Variants in OLFM1 observed in about 807,000 individuals in gnomAD.
The protein encoded by OLFM1 is noelin.
A neutral mutation model predicts 49.7 loss-of-function variants in OLFM1; 9 were observed. That is an observed-to-expected ratio of 0.18 (90% CI 0.11 to 0.32). The LOEUF is 0.32. Ranked by LOEUF, OLFM1 falls within the 10% of genes least tolerant of loss-of-function variation. The probability of loss-of-function intolerance (pLI) is 1.00; values close to 1 mark genes in which losing one functional copy is unlikely to be tolerated. For missense variants in OLFM1, 369 were observed against 661.8 expected, an observed-to-expected ratio of 0.56 and a Z score of 4.85; for synonymous variants, 240 against 271.8, an observed-to-expected ratio of 0.88 and a Z score of 1.15.
At chr9:135,107,943 C>T (rs560865106) in intron 5 of OLFM1, among the ~76,000 whole-genome samples, 28 of 152,224 alleles carry the variant, frequency 1.8e-4, no homozygotes, top group Admixed American at 3.9e-4. Context: ...ATGGGCGGTA[C>T]GGCCTCTGGC....
chr9:135,097,975 C>G, intron 3 of OLFM1: 1 of 1,427,422 alleles, frequency 7.0e-7, no homozygotes, highest in South Asian at 1.6e-5. Flanking sequence ...AGCTGCATTT[C>G]ATGAATAGTT....
intron 2 of OLFM1, among the ~76,000 whole-genome samples, chr9:135,092,414 A>G (rs1830728927): frequency 6.6e-6 from 1 of 152,220 alleles, no homozygotes; most frequent in African/African-American, 2.4e-5. Context: ...ACCTTGAAGG[A>G]ATAGAATTTG....
chr9:135,092,710 T>A (rs1268953482), intron 2 of OLFM1, among the ~76,000 whole-genome samples: 1 of 152,182 alleles, frequency 6.6e-6, no homozygotes, highest in Non-Finnish European at 1.5e-5. Flanking sequence ...CCCCTGGGAC[T>A]GCAGGCCCTG....
chr9:135,091,817 T>TCA (rs374552679), intron 2 of OLFM1, among the ~76,000 whole-genome samples: 6 of 77,282 alleles, frequency 7.8e-5, no homozygotes, highest in South Asian at 8.4e-4. Context: ...ACTCACATAG[T>TCA]CACACACACT....
intron 5 of OLFM1, 86 bp downstream of exon 5, chr9:135,106,941 C>T (rs1378772527): frequency 7.4e-6 from 8 of 1,079,662 alleles, no homozygotes; most frequent in Non-Finnish European, 1.1e-5. Flanking sequence ...GTACAAGCCA[C>T]GCCCACCCTC....
At chr9:135,076,264 G>C in intron 1 of OLFM1, 1 of 1,550,582 alleles carries the variant, frequency 6.4e-7, no homozygotes, top group Non-Finnish European at 8.7e-7. Flanking sequence ...GCCCTTGGGG[G>C]CTCCAGAAAC....
rs985586832 is a variant in OLFM1, at chr9:135,117,501, C to T, written c.784-2003C>T. Among the ~76,000 whole-genome samples, 4 of 152,232 alleles carry T rather than the reference C, an allele frequency of 2.6e-5. No homozygotes were observed. The highest frequency in any genetic ancestry group is 4.4e-5 in the Non-Finnish European group (3 of 68,038). ...TTGGGATATGGGAGCTGGCCCGCCC[C>T]GGTGACTTTGAGAGTCGATCCTCAC... On this transcript the variant is annotated intron_variant, in intron 5 of 5. Transcript: ENST00000371793. The surrounding 1 kb of genome is among the most constrained non-coding windows in gnomAD (Gnocchi z 5.5).
At position 135,092,637 on chromosome 9, in the gene OLFM1, A is replaced by G. The variant is rs150819571; in HGVS notation, c.300+2293A>G. On this transcript the variant is annotated intron_variant, in intron 2 of 5. Transcript: ENST00000371793. ...GAGGGGAAAACAGAGCCCTGAGCCC[A>G]GGGAGGAGGCATTTGCGGGGAGAGC... Among the ~76,000 whole-genome samples the G allele has an allele frequency of 7.9e-5, 12 of 152,260 alleles. No homozygotes were observed. In the East Asian group the frequency reaches 2.3e-3, roughly 29 times the overall value.
At chr9:135,089,761 C>A (rs1182101194) in intron 1 of OLFM1, among the ~76,000 whole-genome samples, 3 of 152,090 alleles carry the variant, frequency 2.0e-5, no homozygotes, top group Non-Finnish European at 4.4e-5. Context: ...GCCAGCCACC[C>A]GTGCTTGACT....
At chr9:135,102,023 G>A (rs999692285) in intron 4 of OLFM1, among the ~76,000 whole-genome samples, 6 of 152,200 alleles carry the variant, frequency 3.9e-5, no homozygotes, top group African/African-American at 1.2e-4. Context: ...AGGGTCAGTC[G>A]GGTCTTTTTG....
chr9:135,097,076 C>T (rs1249411829), intron 3 of OLFM1, among the ~76,000 whole-genome samples: 2 of 152,160 alleles, frequency 1.3e-5, no homozygotes, highest in South Asian at 2.1e-4. Context: ...TACACAGCCT[C>T]GCCCGACTAG....
At chr9:135,076,468 T>C (rs975957732) in intron 1 of OLFM1, 10 of 1,402,226 alleles carry the variant, frequency 7.1e-6, no homozygotes, top group African/African-American at 1.4e-5. Context: ...CCCTGAACAA[T>C]GTATCAATAG....
upstream of OLFM1, among the ~76,000 whole-genome samples, chr9:135,086,391 G>T (rs981611904): frequency 3.3e-5 from 5 of 152,262 alleles, no homozygotes; most frequent in Non-Finnish European, 7.3e-5. Context: ...GGCTGCAGCT[G>T]AAGTCTCTTC....
At chr9:135,079,645 G>T (rs149200908) in intron 1 of OLFM1, among the ~76,000 whole-genome samples, 31 of 152,266 alleles carry the variant, frequency 2.0e-4, no homozygotes, top group African/African-American at 6.7e-4. Context: ...GCTGCAGACA[G>T]AGGCTGCAGC....
At chr9:135,110,653 C>T (rs1199019747) in intron 5 of OLFM1, among the ~76,000 whole-genome samples, 1 of 152,190 alleles carries the variant, frequency 6.6e-6, no homozygotes, top group East Asian at 1.9e-4. Context: ...CCAGTCACTT[C>T]TCAGTGTGAG....
chr9:135,099,585 T>C (rs1186605581), intron 4 of OLFM1, among the ~76,000 whole-genome samples: 2 of 152,164 alleles, frequency 1.3e-5, no homozygotes, highest in Non-Finnish European at 2.9e-5. Flanking sequence ...ATTTAGGTGA[T>C]TTTTAAACGC....
intron 5 of OLFM1, among the ~76,000 whole-genome samples, chr9:135,111,501 T>C (rs904881310): frequency 2.0e-5 from 3 of 152,076 alleles, no homozygotes; most frequent in African/African-American, 4.8e-5. Flanking sequence ...GACCCCCTGC[T>C]TTTCCTAGAT....
upstream of OLFM1, among the ~76,000 whole-genome samples, chr9:135,083,783 G>T (rs1050427725): frequency 6.6e-6 from 1 of 152,244 alleles, no homozygotes; most frequent in Non-Finnish European, 1.5e-5. Context: ...GCCCTCTCTG[G>T]ATCTGTTTTC....
At chr9:135,111,476 C>A (rs952800425) in intron 5 of OLFM1, among the ~76,000 whole-genome samples, 1 of 152,116 alleles carries the variant, frequency 6.6e-6, no homozygotes. Flanking sequence ...CCCCAGGAGG[C>A]CTGAGTCCAG....
Sources: gnomAD v4.1 joint callset for allele counts (sites outside exome capture counted in the v4.1 genomes callset) on GRCh38, gnomAD v4.1.1 for gene constraint, Gnocchi (gnomAD v3.1) non-coding constraint, MANE v1.5 for transcripts, NCBI Gene and HGNC (gene_info 2026-07-23, HGNC 2026-07-21) for gene names.